Variants in NUP107 observed in about 807,000 individuals in gnomAD.
The protein encoded by NUP107 is nucleoporin 107, also known as nuclear pore complex protein Nup107.
In NUP107, 101 loss-of-function variants were observed where a neutral mutation model predicts 141.0. That is an observed-to-expected ratio of 0.72 (90% CI 0.61 to 0.84). The LOEUF (loss-of-function observed/expected upper bound fraction) is 0.84. Among genes scored for constraint, NUP107 ranks in the 40% least tolerant of loss-of-function variants. NUP107 has a pLI of 0.00. For synonymous variants in NUP107, 319 were observed against 363.9 expected, an observed-to-expected ratio of 0.88 and a Z score of 1.41; for missense variants, 941 against 1,102.7, an observed-to-expected ratio of 0.85 and a Z score of 2.08.
At position 68,715,451 on chromosome 12, in the gene NUP107, G is replaced by A. The variant is rs140609831; in HGVS notation, c.970-176G>A. On this transcript the variant is annotated intron_variant, in intron 11 of 27. Transcript: ENST00000229179. ...GGAGGTTGTGGTGTGCTGAGATCGCGCCACTGCACTCCAGCCTGGGCGACA... is the reference window on the plus strand; with the variant it reads ...GGAGGTTGTGGTGTGCTGAGATCGCACCACTGCACTCCAGCCTGGGCGACA... 3.1e-3 allele frequency among the ~76,000 whole-genome samples: 476 copies of A among 152,214 alleles called. 1 individual carries two copies. Among genetic ancestry groups the A allele is most frequent in the African/African-American group, 0.011 (448 of 41,532 alleles).
chr12:68,722,128 G>C lies in NUP107; in HGVS notation c.1482G>C (p.Glu494Asp), dbSNP rs1877380868. 1.2e-6 allele frequency: 2 copies of C among 1,613,468 alleles called. No individual in the cohort carries two copies. Among genetic ancestry groups the C allele is most frequent in the Non-Finnish European group, 1.7e-6 (2 of 1,179,810 alleles). The change falls in exon 17 of 28, where the codon GAG (glutamate) becomes GAC (aspartate). Residue 494 changes from glutamate (E) to aspartate (D), a missense_variant. Glu to Asp is a conservative substitution (Grantham distance 45, BLOSUM62 2). Transcript: ENST00000229179. ...GCTGGACGTTAGAAAAGGTTTTTGA[G>C]GAACTTCAAGCTACTGACAAAAAGG... ...GANWTLEKVFEELQATDKKRV... is the reference protein window; with the variant it reads ...GANWTLEKVFDELQATDKKRV...
chr12:68,697,156 A>G (rs1876106054), intron 6 of NUP107, among the ~76,000 whole-genome samples: 1 of 152,126 alleles, frequency 6.6e-6, no homozygotes, highest in African/African-American at 2.4e-5. Flanking sequence ...AGCCAGATGC[A>G]ATGGCTCACA....
rs34052888 is a variant in NUP107 at position 68,691,838 on chromosome 12, A to AG, written c.304-127dup. ...AACAGATCCAGACCTTATCTCAAGA[A>AG]GGGAAAAAAAAAAAAAAAGACGCAT... On this transcript the variant is annotated intron_variant, in intron 4 of 27. Transcript: ENST00000229179. 13,840 of 752,784 alleles carry AG rather than the reference A, an allele frequency of 0.018. 153 individuals are homozygous for AG. The highest frequency in any genetic ancestry group is 0.052 in the African/African-American group (2,841 of 54,994). The allele number at this position is 752,784 out of a possible 1,614,324, so 46.6% of individuals were successfully genotyped here. A position where few individuals can be genotyped will look rare whatever the true frequency, so the allele number is the denominator to read the frequency against.
intron 3 of NUP107, 156 bp from the exon 4 acceptor site, chr12:68,690,475 G>A (rs959211213): frequency 5.2e-6 from 5 of 968,478 alleles, no homozygotes; most frequent in African/African-American, 5.0e-5. Context: ...TTAAATCCTT[G>A]TATCATGGAA....
intron 5 of NUP107, among the ~76,000 whole-genome samples, chr12:68,696,398 T>G (rs1312956858): frequency 6.7e-6 from 1 of 150,226 alleles, no homozygotes; most frequent in African/African-American, 2.5e-5. Context: ...AGTGAATTTA[T>G]AAAAGACTTG....
At chr12:68,695,609 C>G (rs1876014506) in intron 5 of NUP107, among the ~76,000 whole-genome samples, 1 of 152,098 alleles carries the variant, frequency 6.6e-6, no homozygotes. Flanking sequence ...TTGTCAGGGG[C>G]TGGGGTAAGT....
chr12:68,736,861 C>G (rs142030977), intron 26 of NUP107, among the ~76,000 whole-genome samples: 2,624 of 152,018 alleles, frequency 0.017, 74 homozygotes, highest in African/African-American at 0.06. Context: ...ACCACCACAC[C>G]CAGCTAATTT....
chr12:68,719,606 T>A lies in NUP107; in HGVS notation c.1203T>A (p.Asn401Lys). ...GGTELEPVEG[N>K]PYRRIWKISC... The stretch of plus-strand genomic sequence containing the variant: ...CAGAATTAGAACCTGTTGAAGGGAA[T>A]CCATATAGACGCATTTGGAAAATAA... Residue 401 changes from asparagine (N) to lysine (K), a missense_variant, in exon 14 of 28, where the codon AAT becomes AAA. Physicochemically the swap from Asn to Lys is moderately conservative, Grantham distance 94. Coordinates refer to ENST00000229179, the MANE Select transcript of NUP107 (RefSeq NM_020401.4). 6.2e-7 allele frequency: 1 copy of A among 1,613,352 alleles called. No individual in the cohort carries two copies. Among genetic ancestry groups the A allele is most frequent in the Non-Finnish European group, 8.5e-7 (1 of 1,179,364 alleles).
intron 6 of NUP107, 53 bp downstream of exon 6, chr12:68,696,975 T>C: frequency 9.4e-7 from 1 of 1,060,366 alleles, no homozygotes; most frequent in Non-Finnish European, 1.4e-6. Flanking sequence ...TTAGTTTTCA[T>C]AAACAGCATT....
chr12:68,741,737 T>C (rs1478625375), intron 26 of NUP107, 76 bp from the exon 27 acceptor site: 2 of 1,379,984 alleles, frequency 1.4e-6, no homozygotes, highest in Non-Finnish European at 2.0e-6. Context: ...CTGGGTTTGA[T>C]TCAGTACCTG....
In NUP107 at chr12:68,743,324, C is replaced by A. The variant is rs1878397462; in HGVS notation, c.*862C>A. The A allele has an allele frequency of 6.6e-6, 1 of 152,350 alleles. No homozygotes were observed. Among genetic ancestry groups the A allele is most frequent in the Non-Finnish European group, 1.5e-5 (1 of 68,196 alleles). The allele number at this position is 152,350 out of a possible 1,614,324, so 9.4% of individuals were successfully genotyped here. On this transcript the variant is annotated 3_prime_UTR_variant, in exon 28 of 28. Coordinates refer to ENST00000229179, the MANE Select transcript of NUP107 (RefSeq NM_020401.4). ...GGCTGAGGCATGAGAATCTCTTGAACCTGGAAGGCAGAGGTTGCAGTGAGC... is the reference window on the plus strand; with the variant it reads ...GGCTGAGGCATGAGAATCTCTTGAAACTGGAAGGCAGAGGTTGCAGTGAGC...
intron 8 of NUP107, among the ~76,000 whole-genome samples, chr12:68,705,013 G>A (rs1376810812): frequency 3.3e-5 from 5 of 151,940 alleles, no homozygotes; most frequent in Admixed American, 2.0e-4. Flanking sequence ...CTCCCAAGTA[G>A]CGAGGACTAC....
intron 11 of NUP107, chr12:68,714,152 T>A (rs561118982): frequency 1.1e-5 from 2 of 187,048 alleles, no homozygotes; most frequent in African/African-American, 4.7e-5. Context: ...AACTAAAGCC[T>A]TATTGGTTTG....
At chr12:68,713,872 A>AT (rs1876988834) in intron 11 of NUP107, 64 bp downstream of exon 11, 3 of 1,308,232 alleles carry the variant, frequency 2.3e-6, no homozygotes, top group South Asian at 2.5e-5. Flanking sequence ...CAGGCTGAGA[A>AT]TTTTTTCTCG....
At chr12:68,722,063 A>ATAT in intron 16 of NUP107, 41 bp from the exon 17 acceptor site, 1 of 1,610,060 alleles carries the variant, frequency 6.2e-7, no homozygotes, top group Non-Finnish European at 8.5e-7. Flanking sequence ...CCCCTTTTTC[A>ATAT]TATTATTAAC....
chr12:68,692,270 T>C (rs1403685234), intron 5 of NUP107, 158 bp downstream of exon 5: 2 of 754,402 alleles, frequency 2.7e-6, no homozygotes, highest in East Asian at 3.0e-5. Context: ...TTTGTGTGTG[T>C]GTTTTTTGAG....
At chr12:68,692,738 A>T (rs1436003673) in intron 5 of NUP107, among the ~76,000 whole-genome samples, 2 of 148,124 alleles carry the variant, frequency 1.4e-5, no homozygotes, top group East Asian at 3.9e-4. Context: ...ATGTACCACC[A>T]TGCCTAGCTA....
intron 20 of NUP107, 95 bp from the exon 21 acceptor site, chr12:68,731,015 C>T: frequency 2.8e-6 from 2 of 710,722 alleles, no homozygotes; most frequent in East Asian, 3.0e-5. Context: ...AACACAAATC[C>T]ACATCTGTAT....
chr12:68,732,748 T>C lies in NUP107; in HGVS notation c.2101+9T>C. The C allele has an allele frequency of 6.4e-7, 1 of 1,563,196 alleles. No individual in the cohort carries two copies. The highest frequency in any genetic ancestry group is 8.8e-7 in the Non-Finnish European group (1 of 1,136,502). ...TATGAGAAAATTCTTGGGTATAGTA[T>C]ATTTTTATGCAGCTTCAAACTCCTG... is the stretch of plus-strand genomic sequence containing the variant. On this transcript the variant is annotated intron_variant, in intron 23 of 27. Coordinates refer to ENST00000229179, the MANE Select transcript of NUP107 (RefSeq NM_020401.4).
Sources: allele counts gnomAD v4.1 joint callset (sites outside exome capture counted in the v4.1 genomes callset), GRCh38; gene constraint gnomAD v4.1.1; transcripts MANE v1.5; gene names NCBI Gene and HGNC (gene_info 2026-07-23, HGNC 2026-07-21).